MIA: variants seen among roughly 807,000 people sequenced by gnomAD.
MIA encodes the protein melanoma-derived growth regulatory protein.
In MIA, 18 loss-of-function variants were observed where a neutral mutation model predicts 18.5. The observed-to-expected ratio is 0.97, with a 90% CI of 0.67 to 1.44. The LOEUF (loss-of-function observed/expected upper bound fraction) is 1.44, where lower values mean the gene tolerates loss of function less well. Among genes scored for constraint, MIA ranks in the 40% most tolerant of loss-of-function variants. The probability of loss-of-function intolerance (pLI) is 0.00; values close to 1 mark genes in which losing one functional copy is unlikely to be tolerated. For synonymous variants in MIA, 55 were observed against 64.9 expected, an observed-to-expected ratio of 0.85 and a Z score of 0.74; for missense variants, 158 against 172.4, an observed-to-expected ratio of 0.92 and a Z score of 0.47.
At position 40,777,089 on chromosome 19, in the gene MIA, A is replaced by T. The variant is rs1361746034; in HGVS notation, c.372+10A>T. 9.3e-6 allele frequency: 15 copies of T among 1,606,390 alleles called. 1 individual carries two copies. The South Asian group carries it at 1.5e-4, about 17-fold the overall frequency. ...CGATGTGAAGACAGACGTGAGTGTC[A>T]TGGGGGCTGGCAAGAAATGTGGGGG... On this transcript the variant is annotated intron_variant, in intron 3 of 3. Coordinates refer to ENST00000263369, the MANE Select transcript of MIA (RefSeq NM_006533.4).
chr19:40,777,141 C>A, intron 3 of MIA, 62 bp downstream of exon 3: 2 of 1,413,132 alleles, frequency 1.4e-6, no homozygotes, highest in Non-Finnish European at 2.0e-6. Flanking sequence ...TGGGGATGGG[C>A]AAAAATGCTC....
chr19:40,776,946 A>G (rs1184533023), intron 2 of MIA, 23 bp from the exon 3 acceptor site: 1 of 1,576,388 alleles, frequency 6.3e-7, no homozygotes, highest in East Asian at 2.2e-5. Flanking sequence ...CCCAGACCCT[A>G]GCTTTTAACT....
chr19:40,777,317 C>CA, intron 3 of MIA, 80 bp from the exon 4 acceptor site: 1 of 1,538,460 alleles, frequency 6.5e-7, no homozygotes, highest in African/African-American at 1.4e-5. Flanking sequence ...CCTGCAGCTG[C>CA]AGCCTTTGCT....
intron 3 of MIA, 98 bp downstream of exon 3, chr19:40,777,177 G>T: frequency 8.5e-7 from 1 of 1,169,650 alleles, no homozygotes; most frequent in East Asian, 2.4e-5. Flanking sequence ...TGGCAGCCTA[G>T]GTATGTGCGC....
Position 40,777,054 on chromosome 19 carries a change from C to T in MIA, c.347C>T (p.Pro116Leu). Reference protein sequence around the residue: ...SIVREDQTLKPGKVDVKTDKW... With the variant: ...SIVREDQTLKLGKVDVKTDKW... ...GTCCGAGAGGACCAGACCCTGAAAC[C>T]TGGCAAAGTCGATGTGAAGACAGAC... Residue 116 changes from proline to leucine, a missense_variant, in exon 3 of 4, where the codon CCT (proline) becomes CTT (leucine). Transcript: ENST00000263369. 6.2e-7 allele frequency: 1 copy of T among 1,613,018 alleles called. No individual in the cohort carries two copies.
At chr19:40,775,435 C>T (rs145943002), upstream of MIA, 152 of 1,548,688 alleles carry the variant, frequency 9.8e-5, no homozygotes, top group African/African-American at 8.0e-4. Context: ...TGGTTTAGGG[C>T]GGGGACAAGA....
intron 3 of MIA, 82 bp downstream of exon 3, chr19:40,777,161 G>C: frequency 7.8e-7 from 1 of 1,274,514 alleles, no homozygotes; most frequent in Non-Finnish European, 1.1e-6. Context: ...CCCACACTTG[G>C]CTCCCTGGCA....
chr19:40,776,500 AAG>A, intron 2 of MIA, among the ~76,000 whole-genome samples: 1 of 152,080 alleles, frequency 6.6e-6, no homozygotes, highest in Non-Finnish European at 1.5e-5. Context: ...AATCCCAAGT[AAG>A]GCCAAGTTGG....
At chr19:40,777,139 G>A (rs2083003306) in intron 3 of MIA, 60 bp downstream of exon 3, 5 of 1,440,162 alleles carry the variant, frequency 3.5e-6, no homozygotes, top group Admixed American at 1.8e-5. Context: ...TGTGGGGATG[G>A]GCAAAAATGC....
In MIA at chr19:40,775,860, G is replaced by A. The variant is rs756380131; in HGVS notation, c.236G>A (p.Arg79His). 9.9e-6 allele frequency: 16 copies of A among 1,613,946 alleles called. No homozygotes were observed. The African/African-American group carries it at 1.1e-4, about 11-fold the overall frequency. Reference sequence around the variant, plus strand: ...TATGTCTTCTCCAAGCTGAAGGGCCGTGGGCGGCTCTTCTGGGGAGGCAGC... The same window carrying A: ...TATGTCTTCTCCAAGCTGAAGGGCCATGGGCGGCTCTTCTGGGGAGGCAGC... The part of the protein sequence containing the change: ...VVYVFSKLKG[R>H]GRLFWGGSVQ... Residue 79 changes from arginine (R) to histidine (H), a missense_variant, in exon 2 of 4, where the codon CGT becomes CAT. Transcript: ENST00000263369.
chr19:40,775,814 A>G lies in MIA; in HGVS notation c.190A>G (p.Ile64Val), dbSNP rs776380625. Residue 64 changes from isoleucine (I) to valine (V), a missense_variant, in exon 2 of 4, where the codon ATT (isoleucine) becomes GTT (valine). By Grantham distance (29) the Ile-to-Val change is conservative. Transcript: ENST00000263369. ...GGCCCCCGACTGCCGATTCCTGACC[A>G]TTCACCGGGGCCAAGTGGTGTATGT... ...YMAPDCRFLTIHRGQVVYVFS... is the reference protein window; with the variant it reads ...YMAPDCRFLTVHRGQVVYVFS... 2 of 1,613,790 alleles carry G rather than the reference A, an allele frequency of 1.2e-6. No individual in the cohort carries two copies. The highest frequency in any genetic ancestry group is 2.2e-5 in the East Asian group (1 of 44,882).
At position 40,775,628 on chromosome 19, in the gene MIA, A is replaced by G; in HGVS notation, c.86A>G (p.Lys29Arg). Residue 29 changes from lysine (K) to arginine (R), a missense_variant, in exon 1 of 4, where the codon AAG becomes AGG. Physicochemically the swap from Lys to Arg is conservative, Grantham distance 26 (BLOSUM62 2). Coordinates refer to ENST00000263369, the MANE Select transcript of MIA (RefSeq NM_006533.4). ...GPGVRGGPMP[K>R]LADRKLCADQ... Reference sequence around the variant, plus strand: ...GGTGTCAGGGGTGGTCCTATGCCCAAGCTGGCTGACCGGAAGCTGTGTGCG... The same window carrying G: ...GGTGTCAGGGGTGGTCCTATGCCCAGGCTGGCTGACCGGAAGCTGTGTGCG... 6.2e-7 allele frequency: 1 copy of G among 1,614,112 alleles called. No homozygotes were observed. The highest frequency in any genetic ancestry group is 8.5e-7 in the Non-Finnish European group (1 of 1,180,032).
In MIA at chr19:40,775,852, G is replaced by A; in HGVS notation, c.228G>A (p.Leu76=). 2 of 1,614,084 alleles carry A rather than the reference G, an allele frequency of 1.2e-6. No individual in the cohort carries two copies. The highest frequency in any genetic ancestry group is 1.7e-6 in the Non-Finnish European group (2 of 1,180,020). The change falls in exon 2 of 4, where the codon CTG becomes CTA. Residue 76 remains leucine, a synonymous_variant. Coordinates refer to ENST00000263369, the MANE Select transcript of MIA (RefSeq NM_006533.4). Reference sequence around the variant, plus strand: ...AAGTGGTGTATGTCTTCTCCAAGCTGAAGGGCCGTGGGCGGCTCTTCTGGG... The same window carrying A: ...AAGTGGTGTATGTCTTCTCCAAGCTAAAGGGCCGTGGGCGGCTCTTCTGGG... ...RGQVVYVFSK[L]KGRGRLFWGG... is the part of the protein sequence containing the mutation.
Position 40,775,601 on chromosome 19 carries a change from C to T in MIA, c.59C>T (p.Pro20Leu), listed in dbSNP as rs76553632. 9 of 1,614,156 alleles carry T rather than the reference C, an allele frequency of 5.6e-6. No homozygotes were observed. The African/African-American group carries it at 1.1e-4, about 19-fold the overall frequency. The stretch of plus-strand genomic sequence containing the variant: ...ATCTTGCTGTCTGCCTTCTCCGGAC[C>T]TGGTGTCAGGGGTGGTCCTATGCCC... ...VIILLSAFSG[P>L]GVRGGPMPKL... The change falls in exon 1 of 4, where the codon CCT becomes CTT. Residue 20 changes from proline (P) to leucine (L), a missense_variant. Transcript: ENST00000263369.
intron 2 of MIA, 82 bp downstream of exon 2, chr19:40,775,967 G>T: frequency 6.6e-7 from 1 of 1,514,876 alleles, no homozygotes; most frequent in Non-Finnish European, 9.0e-7. Context: ...ATTTGAGGGG[G>T]GTGAACTGAA....
upstream of MIA, chr19:40,775,413 G>A (rs1235000115): frequency 6.3e-6 from 9 of 1,426,222 alleles, no homozygotes; most frequent in Middle Eastern, 2.6e-4. Flanking sequence ...TGGTGTGGGC[G>A]AAGTTTGGGA....
intron 2 of MIA, among the ~76,000 whole-genome samples, chr19:40,776,095 C>T (rs527861199): frequency 2.0e-5 from 3 of 151,090 alleles, no homozygotes; most frequent in Admixed American, 6.6e-5. Context: ...GGCACGATCT[C>T]GGCTCACTGT....
At position 40,775,769 on chromosome 19, in the gene MIA, G is replaced by A; in HGVS notation, c.145G>A (p.Val49Met). The A allele has an allele frequency of 6.2e-7, 1 of 1,614,152 alleles. No individual in the cohort carries two copies. Among genetic ancestry groups the A allele is most frequent in the Non-Finnish European group, 8.5e-7 (1 of 1,180,038 alleles). Residue 49 changes from valine (V) to methionine (M), a missense_variant, in exon 2 of 4, where the codon GTG becomes ATG. By Grantham distance (21) the Val-to-Met change is conservative. Transcript: ENST00000263369. ...TTCCCTAGACCCTATCTCCATGGCT[G>A]TGGCCCTTCAGGACTACATGGCCCC... is the stretch of plus-strand genomic sequence containing the variant. ...QECSHPISMA[V>M]ALQDYMAPDC...
At chr19:40,777,119 AC>A (rs771249235) in intron 3 of MIA, 40 bp downstream of exon 3, 1 of 1,560,472 alleles carries the variant, frequency 6.4e-7, no homozygotes, top group South Asian at 1.1e-5. Context: ...TGGGGGGAGG[AC>A]CCTTAGGTTG....
Sources: gnomAD v4.1 joint callset for allele counts (sites outside exome capture counted in the v4.1 genomes callset) on GRCh38, gnomAD v4.1.1 for gene constraint, MANE v1.5 for transcripts, NCBI Gene and HGNC (gene_info 2026-07-23, HGNC 2026-07-21) for gene names.